MRPL1: variants seen among roughly 807,000 people sequenced by gnomAD.
MRPL1 encodes mitochondrial ribosomal protein L1, also known as large ribosomal subunit protein uL1m.
Under a neutral mutation model 38.0 loss-of-function variants are expected in MRPL1, and 28 were observed. The ratio of observed to expected loss-of-function variants is 0.74; its 90% CI spans 0.55 to 1.01. The LOEUF (loss-of-function observed/expected upper bound fraction) is 1.01, where lower values mean the gene tolerates loss of function less well. Ranked by LOEUF, MRPL1 falls within the 50% of genes least tolerant of loss-of-function variation. The pLI is 0.00. For synonymous variants in MRPL1, 123 were observed against 126.7 expected (o/e 0.97, Z 0.20); for missense variants, 358 against 389.8 (o/e 0.92, Z 0.69).
intron 1 of MRPL1, among the ~76,000 whole-genome samples, chr4:77,871,310 T>C (rs1288653713): frequency 1.1e-5 from 1 of 92,554 alleles, no homozygotes; most frequent in Non-Finnish European, 2.1e-5. Context: ...TTATTACACT[T>C]TTTTTTTTTT....
At chr4:77,926,352 T>TC (rs1440228407) in intron 7 of MRPL1, among the ~76,000 whole-genome samples, 1 of 152,172 alleles carries the variant, frequency 6.6e-6, no homozygotes, top group Non-Finnish European at 1.5e-5. Context: ...CCATTTCTCT[T>TC]CCTTGATTTA....
chr4:77,869,427 A>G (rs949428918), intron 1 of MRPL1, among the ~76,000 whole-genome samples: 2 of 152,212 alleles, frequency 1.3e-5, no homozygotes, highest in Non-Finnish European at 1.5e-5. Flanking sequence ...TTGACTACAA[A>G]AGGATTGAAA....
intron 6 of MRPL1, 72 bp from the exon 7 acceptor site, chr4:77,909,194 G>GTGTTTCTT: frequency 2.2e-6 from 2 of 894,836 alleles, no homozygotes; most frequent in Non-Finnish European, 3.7e-6. Context: ...CATGAGATAT[G>GTGTTTCTT]TGTTTCTTTT....
chr4:77,908,599 T>G (rs569816492), intron 6 of MRPL1, among the ~76,000 whole-genome samples: 1 of 152,348 alleles, frequency 6.6e-6, no homozygotes, highest in East Asian at 1.9e-4. Context: ...GTTTTTAATG[T>G]ATGCTGTATA....
intron 7 of MRPL1, among the ~76,000 whole-genome samples, chr4:77,914,688 A>G (rs1736380521): frequency 6.6e-6 from 1 of 150,460 alleles, no homozygotes. Context: ...TATGCAGTTG[A>G]AAATATTGAA....
At chr4:77,947,056 A>T (rs1461494006) in intron 7 of MRPL1, among the ~76,000 whole-genome samples, 1 of 151,896 alleles carries the variant, frequency 6.6e-6, no homozygotes, top group Non-Finnish European at 1.5e-5. Flanking sequence ...TAGTTTTCTC[A>T]TAATGATAAG....
chr4:77,936,590 T>A (rs1736985843), intron 7 of MRPL1, among the ~76,000 whole-genome samples: 1 of 152,232 alleles, frequency 6.6e-6, no homozygotes, highest in African/African-American at 2.4e-5. Context: ...ACTGTGCTCA[T>A]TTATGTATTG....
At chr4:77,903,858 TC>T (rs1336792276) in intron 6 of MRPL1, among the ~76,000 whole-genome samples, 1 of 151,842 alleles carries the variant, frequency 6.6e-6, no homozygotes, top group East Asian at 1.9e-4. Flanking sequence ...TTGAATGTAA[TC>T]CCAACCAAAC....
intron 7 of MRPL1, among the ~76,000 whole-genome samples, chr4:77,934,776 A>T (rs1262507467): frequency 6.6e-6 from 1 of 152,216 alleles, no homozygotes; most frequent in African/African-American, 2.4e-5. Flanking sequence ...AGGTACAAGC[A>T]GCCCATATGA....
intron 5 of MRPL1, among the ~76,000 whole-genome samples, chr4:77,889,529 G>A (rs575901539): frequency 2.0e-5 from 3 of 152,076 alleles, no homozygotes; most frequent in Non-Finnish European, 4.4e-5. Flanking sequence ...AGAGAAAGCA[G>A]GAAAGATCTA....
intron 7 of MRPL1, among the ~76,000 whole-genome samples, chr4:77,921,871 A>G (rs998497364): frequency 6.6e-6 from 1 of 151,890 alleles, no homozygotes. Context: ...TACTGTGTGT[A>G]CGTGCATGTG....
At chr4:77,926,656 T>TG (rs1219524902) in intron 7 of MRPL1, among the ~76,000 whole-genome samples, 2 of 151,142 alleles carry the variant, frequency 1.3e-5, no homozygotes. Context: ...TTGCTCAAGC[T>TG]GGAGTGCAGT....
At chr4:77,895,460 T>C (rs988182061) in intron 6 of MRPL1, among the ~76,000 whole-genome samples, 3 of 152,004 alleles carry the variant, frequency 2.0e-5, no homozygotes, top group Non-Finnish European at 4.4e-5. Context: ...GGGAGTACAA[T>C]TGGGAGGAAA....
chr4:77,871,754 T>C lies in MRPL1; in HGVS notation c.42T>C (p.His14=). 6.5e-7 allele frequency: 1 copy of C among 1,537,588 alleles called. No individual in the cohort carries two copies. Among genetic ancestry groups the C allele is most frequent in the Admixed American group, 2.2e-5 (1 of 46,428 alleles). ...AVRCMGRALI[H]HQRHSLSKMV... Reference sequence around the variant, plus strand: ...GTTTTTCCTTTCAAGCCTTGATACATCATCAAAGGCATAGCCTTTCCAAGA... The same window carrying C: ...GTTTTTCCTTTCAAGCCTTGATACACCATCAAAGGCATAGCCTTTCCAAGA... Residue 14 remains histidine, a synonymous_variant, in exon 2 of 9, where the codon CAT becomes CAC. Transcript: ENST00000315567.
intron 8 of MRPL1, among the ~76,000 whole-genome samples, chr4:77,951,852 C>T (rs564364679): frequency 3.3e-5 from 5 of 152,256 alleles, no homozygotes; most frequent in East Asian, 1.9e-4. Context: ...GCTGCTTATC[C>T]GGAGATCATT....
chr4:77,931,158 C>T (rs1388339783), intron 7 of MRPL1, among the ~76,000 whole-genome samples: 1 of 152,100 alleles, frequency 6.6e-6, no homozygotes, highest in Non-Finnish European at 1.5e-5. Context: ...GACCACTTAC[C>T]CTTCATTAAA....
chr4:77,948,195 G>A (rs1388747700), intron 7 of MRPL1, among the ~76,000 whole-genome samples: 1 of 152,108 alleles, frequency 6.6e-6, no homozygotes, highest in East Asian at 1.9e-4. Flanking sequence ...TTTTAAGTAG[G>A]TATAGGTCTT....
At chr4:77,936,237 A>AATG (rs1318504677) in intron 7 of MRPL1, among the ~76,000 whole-genome samples, 1 of 151,938 alleles carries the variant, frequency 6.6e-6, no homozygotes, top group East Asian at 1.9e-4. Flanking sequence ...CTGTATCTTG[A>AATG]ACACTTTCCC....
At chr4:77,870,932 C>T (rs1190896670) in intron 1 of MRPL1, among the ~76,000 whole-genome samples, 3 of 152,106 alleles carry the variant, frequency 2.0e-5, no homozygotes, top group African/African-American at 7.2e-5. Context: ...TCCAGTACCC[C>T]ACTTTGTTCT....
Sources: allele counts gnomAD v4.1 joint callset (sites outside exome capture counted in the v4.1 genomes callset), GRCh38; gene constraint gnomAD v4.1.1; transcripts MANE v1.5; gene names NCBI Gene and HGNC (gene_info 2026-07-23, HGNC 2026-07-21).